The following FBXO36 variants were observed in gnomAD, a reference collection of about 807,000 sequenced individuals.
FBXO36 encodes F-box only protein 36.
FBXO36 carries 18 observed loss-of-function variants against 17.0 expected under a neutral mutation model. That is an observed-to-expected ratio of 1.06 (90% CI 0.73 to 1.57). FBXO36 has a LOEUF of 1.57. FBXO36 is among the 40% of genes most tolerant of loss of function. FBXO36 has a pLI of 0.00. For synonymous variants in FBXO36, 83 were observed against 85.3 expected (o/e 0.97, Z 0.15); for missense variants, 229 against 221.9 (o/e 1.03, Z -0.20).
chr2:229,931,795 T>C (rs1300945331), intron 1 of FBXO36, among the ~76,000 whole-genome samples: 1 of 152,054 alleles, frequency 6.6e-6, no homozygotes, highest in African/African-American at 2.4e-5. Flanking sequence ...GCCAAGATCG[T>C]GCCATTGCAC....
At chr2:229,933,954 G>A (rs574414430) in intron 1 of FBXO36, among the ~76,000 whole-genome samples, 1 of 151,980 alleles carries the variant, frequency 6.6e-6, no homozygotes, top group East Asian at 1.9e-4. Flanking sequence ...CCAAAGTGCT[G>A]GGATTACAGG....
intron 2 of FBXO36, among the ~76,000 whole-genome samples, chr2:229,982,464 G>A (rs1192791576): frequency 1.3e-5 from 2 of 151,982 alleles, no homozygotes; most frequent in Admixed American, 6.6e-5. Flanking sequence ...AAGGAACTTT[G>A]TGATGACATT....
intron 2 of FBXO36, among the ~76,000 whole-genome samples, chr2:229,991,049 C>T (rs1432569625): frequency 2.0e-5 from 3 of 151,840 alleles, no homozygotes; most frequent in East Asian, 3.9e-4. Context: ...AATTCTTCCA[C>T]CTCAGCCTCC....
At chr2:229,939,212 C>A (rs1377195804) in intron 1 of FBXO36, 20 of 985,000 alleles carry the variant, frequency 2.0e-5, no homozygotes, top group Non-Finnish European at 2.2e-5. Context: ...AGCCACCGCG[C>A]CCGGCCCAAC....
In FBXO36 at chr2:229,939,215, G is replaced by A. The variant is rs112498064; in HGVS notation, c.96+16606G>A. ...ATTACAGGCATGAGCCACCGCGCCCGGCCCAACAGATACAACTTTCTACCT... is the reference window on the plus strand; with the variant it reads ...ATTACAGGCATGAGCCACCGCGCCCAGCCCAACAGATACAACTTTCTACCT... On this transcript the variant is annotated intron_variant, in intron 1 of 3. Transcript: ENST00000283946. The A allele has an allele frequency of 7.6e-3, 7,474 of 984,626 alleles. 438 individuals are homozygous for A. In the African/African-American group the frequency reaches 0.12, roughly 16 times the overall value. The allele number at this position is 984,626 out of a possible 1,614,324, so 61.0% of individuals were successfully genotyped here. A position where few individuals can be genotyped will look rare whatever the true frequency, so the allele number is the denominator to read the frequency against.
At chr2:229,961,096 G>A (rs1169441844) in intron 1 of FBXO36, among the ~76,000 whole-genome samples, 2 of 151,442 alleles carry the variant, frequency 1.3e-5, no homozygotes, top group Admixed American at 6.6e-5. Context: ...GCCTCAGAGC[G>A]AGACTCCATC....
intron 1 of FBXO36, among the ~76,000 whole-genome samples, chr2:229,924,404 T>C (rs1333993942): frequency 6.6e-6 from 1 of 152,208 alleles, no homozygotes; most frequent in East Asian, 1.9e-4. Flanking sequence ...GCTTTAAGAT[T>C]TATGATCCTA....
chr2:229,926,263 C>G (rs183934746), intron 1 of FBXO36, among the ~76,000 whole-genome samples: 1 of 151,994 alleles, frequency 6.6e-6, no homozygotes, highest in East Asian at 1.9e-4. Flanking sequence ...AACCCCATCT[C>G]TACTAAAAAT....
intron 2 of FBXO36, 35 bp downstream of exon 2, chr2:229,976,384 G>C (rs367899055): frequency 1.6e-4 from 213 of 1,373,836 alleles, no homozygotes; most frequent in Admixed American, 5.2e-4. Context: ...CCCCTGTTAA[G>C]TTCTCATTAG....
intron 1 of FBXO36, among the ~76,000 whole-genome samples, chr2:229,947,151 A>G (rs2077031463): frequency 6.6e-6 from 1 of 152,160 alleles, no homozygotes; most frequent in South Asian, 2.1e-4. Flanking sequence ...CTGGACAACA[A>G]GAGCGAAACT....
At chr2:230,010,596 G>A (rs2077410391) in intron 3 of FBXO36, 100 bp from the exon 4 acceptor site, 3 of 1,084,946 alleles carry the variant, frequency 2.8e-6, no homozygotes, top group Middle Eastern at 2.1e-4. Context: ...CCTGTGTCTG[G>A]CACAGGTAGT....
intron 1 of FBXO36, among the ~76,000 whole-genome samples, chr2:229,922,871 C>T (rs1014607036): frequency 6.6e-6 from 1 of 152,186 alleles, no homozygotes; most frequent in Non-Finnish European, 1.5e-5. Context: ...CCCGCCACCC[C>T]GGCTTCTTAC....
At chr2:230,008,416 A>G (rs1325626156) in intron 3 of FBXO36, among the ~76,000 whole-genome samples, 1 of 152,176 alleles carries the variant, frequency 6.6e-6, no homozygotes, top group Non-Finnish European at 1.5e-5. Flanking sequence ...AAAACTATAG[A>G]ACCTTTCGTT....
Position 229,922,699 on chromosome 2 carries a change from A to T in FBXO36, c.96+90A>T, listed in dbSNP as rs1027447595. 3.7e-6 allele frequency: 5 copies of T among 1,365,192 alleles called. No homozygotes were observed. The African/African-American group carries it at 7.3e-5, about 20-fold the overall frequency. 84.6% of individuals were successfully genotyped at this position (1,365,192 alleles called of 1,614,324 possible). ...CGCAGGCTGTGCTAGGCCAAGAGCA[A>T]CCGTAGCCCGCCGGAAGCGCCCAGT... is the stretch of plus-strand genomic sequence containing the variant. On this transcript the variant is annotated intron_variant, in intron 1 of 3. Transcript: ENST00000283946.
intron 1 of FBXO36, among the ~76,000 whole-genome samples, chr2:229,931,443 T>A (rs1445979221): frequency 6.6e-6 from 1 of 152,158 alleles, no homozygotes; most frequent in Non-Finnish European, 1.5e-5. Context: ...GTCTGCAAGC[T>A]CTTGACCTGG....
intron 2 of FBXO36, among the ~76,000 whole-genome samples, chr2:229,980,241 A>C (rs971113891): frequency 6.7e-5 from 10 of 149,342 alleles, no homozygotes; most frequent in African/African-American, 2.4e-4. Context: ...TTGTATTTTT[A>C]GTAGAGATGA....
intron 1 of FBXO36, among the ~76,000 whole-genome samples, chr2:229,954,826 C>T (rs1478786722): frequency 6.6e-6 from 1 of 151,076 alleles, no homozygotes; most frequent in Non-Finnish European, 1.5e-5. Flanking sequence ...GGATTACAGG[C>T]GTGAGCCACC....
chr2:229,951,475 C>G (rs1342443424), intron 1 of FBXO36, among the ~76,000 whole-genome samples: 1 of 150,988 alleles, frequency 6.6e-6, no homozygotes, highest in Admixed American at 6.6e-5. Flanking sequence ...AACTCCTCAT[C>G]TCAGGTGATC....
chr2:229,955,094 T>C (rs1279544714), intron 1 of FBXO36, among the ~76,000 whole-genome samples: 1 of 152,098 alleles, frequency 6.6e-6, no homozygotes, highest in Admixed American at 6.6e-5. Context: ...TCAAGTGATC[T>C]GCCTTCCTTG....
Sources: gnomAD v4.1 joint callset for allele counts (sites outside exome capture counted in the v4.1 genomes callset) on GRCh38, gnomAD v4.1.1 for gene constraint, MANE v1.5 for transcripts, NCBI Gene and HGNC (gene_info 2026-07-23, HGNC 2026-07-21) for gene names.